BATF3: variants seen among roughly 807,000 people sequenced by gnomAD.
BATF3 encodes the protein basic leucine zipper ATF-like transcription factor 3.
Under a neutral mutation model 16.1 loss-of-function variants are expected in BATF3, and 8 were observed. That is an observed-to-expected ratio of 0.50 (90% CI 0.29 to 0.90). The LOEUF (loss-of-function observed/expected upper bound fraction) is 0.90, where lower values mean the gene tolerates loss of function less well. Among genes scored for constraint, BATF3 ranks in the 40% least tolerant of loss-of-function variants. The pLI is 0.08. For missense variants in BATF3, 139 were observed against 167.0 expected (o/e 0.83, Z 0.92); for synonymous variants, 74 against 72.7 (o/e 1.02, Z -0.09).
At chr1:212,690,806 C>T (rs1268876069) in intron 2 of BATF3, among the ~76,000 whole-genome samples, 1 of 152,212 alleles carries the variant, frequency 6.6e-6, no homozygotes, top group African/African-American at 2.4e-5. Context: ...TCAAAGCAGA[C>T]ACCTAAAAAT....
intron 2 of BATF3, among the ~76,000 whole-genome samples, chr1:212,693,966 C>G (rs568920867): frequency 6.6e-6 from 1 of 152,150 alleles, no homozygotes; most frequent in African/African-American, 2.4e-5. Context: ...GATTAAGAAG[C>G]GTGAGATGGG....
chr1:212,687,996 A>AAAGAAAGAAAGAAAGGAAGG (rs1274002817), intron 2 of BATF3, among the ~76,000 whole-genome samples: 3 of 101,330 alleles, frequency 3.0e-5, no homozygotes, highest in East Asian at 2.5e-4. Context: ...AGAAAGAAAG[A>AAAGAAAGAAAGAAAGGAAGG]AAGGAAGGAA....
chr1:212,699,730 G>T lies in BATF3; in HGVS notation c.33C>A (p.Val11=). 1.5e-6 allele frequency: 2 copies of T among 1,323,408 alleles called. No individual in the cohort carries two copies. Among genetic ancestry groups the T allele is most frequent in the South Asian group, 4.0e-5 (2 of 49,840 alleles). 82.0% of individuals were successfully genotyped at this position (1,323,408 alleles called of 1,614,324 possible). A position where few individuals can be genotyped will look rare whatever the true frequency, so the allele number is the denominator to read the frequency against. ...CGGGCGCCGCGACGCTCCTCTGCAG[G>T]ACGCTGCCGGCGGCCGGGAGCCCTT... MSQGLPAAGS[V]LQRSVAAPGN... The change falls in exon 1 of 3, where the codon GTC becomes GTA. Residue 11 remains valine (V), a synonymous_variant. Coordinates refer to ENST00000243440, the MANE Select transcript of BATF3 (RefSeq NM_018664.3). This position sits in a 1 kb window ranked among gnomAD's most constrained non-coding sequence, Gnocchi z 4.4.
intron 1 of BATF3, chr1:212,698,808 T>C (rs1468050585): frequency 1.3e-5 from 2 of 152,254 alleles, no homozygotes; most frequent in Non-Finnish European, 2.9e-5. Flanking sequence ...TTATTAACCA[T>C]ATCTGATTCA....
intron 2 of BATF3, among the ~76,000 whole-genome samples, chr1:212,691,031 C>G (rs1006478168): frequency 6.6e-6 from 1 of 152,108 alleles, no homozygotes; most frequent in Admixed American, 6.5e-5. Flanking sequence ...ACAAGACAGG[C>G]CCCCAACAAC....
chr1:212,694,613 C>A (rs1288769496), intron 2 of BATF3, among the ~76,000 whole-genome samples: 2 of 152,204 alleles, frequency 1.3e-5, no homozygotes, highest in African/African-American at 4.8e-5. Context: ...AGGAGTAATG[C>A]CTTGGCCATC....
chr1:212,697,883 G>A (rs1358150450), intron 1 of BATF3: 1 of 152,106 alleles, frequency 6.6e-6, no homozygotes, highest in African/African-American at 2.4e-5. Flanking sequence ...CCCATGAGAA[G>A]ACACCACCAA....
At chr1:212,691,460 A>AT (rs1656997051) in intron 2 of BATF3, among the ~76,000 whole-genome samples, 1 of 152,228 alleles carries the variant, frequency 6.6e-6, no homozygotes, top group Non-Finnish European at 1.5e-5. Flanking sequence ...GATGGTTACC[A>AT]GAAGTAAGAG....
chr1:212,696,234 A>G (rs897499793), intron 2 of BATF3, among the ~76,000 whole-genome samples: 8 of 152,252 alleles, frequency 5.3e-5, no homozygotes, highest in Non-Finnish European at 8.8e-5. Flanking sequence ...AGAGAAAAAA[A>G]TCGGCGAAGA....
At chr1:212,691,209 G>A (rs1223260115) in intron 2 of BATF3, among the ~76,000 whole-genome samples, 2 of 152,170 alleles carry the variant, frequency 1.3e-5, no homozygotes, top group Admixed American at 1.3e-4. Context: ...GTGGGTACCA[G>A]GGACCAGATA....
chr1:212,695,469 G>A (rs1208536050), intron 2 of BATF3, among the ~76,000 whole-genome samples: 1 of 129,814 alleles, frequency 7.7e-6, no homozygotes, highest in Middle Eastern at 4.8e-3. Flanking sequence ...ACTCCAGCCT[G>A]GGCAAACAGA....
rs540068769 is a variant in BATF3 at position 212,689,692 on chromosome 1, C to T, written c.196-2713G>A. ...TGAGAAAAGCTGCAGCACACACACA[C>T]GTCTGCAAACACACACTCACACACT... On this transcript the variant is annotated intron_variant, in intron 2 of 2. Transcript: ENST00000243440. The surrounding 1 kb of genome is among the most constrained non-coding windows in gnomAD (Gnocchi z 4.6). Among the ~76,000 whole-genome samples, 50 of 152,164 alleles carry T rather than the reference C, an allele frequency of 3.3e-4. No individual in the cohort carries two copies. Among genetic ancestry groups the T allele is most frequent in the African/African-American group, 1.2e-3 (49 of 41,516 alleles).
At chr1:212,692,070 C>T (rs1206412070) in intron 2 of BATF3, among the ~76,000 whole-genome samples, 1 of 152,220 alleles carries the variant, frequency 6.6e-6, no homozygotes, top group Non-Finnish European at 1.5e-5. Context: ...TGAAGGGGAA[C>T]CCCAGCCCCT....
At chr1:212,694,880 A>C (rs1418348807) in intron 2 of BATF3, among the ~76,000 whole-genome samples, 2 of 152,346 alleles carry the variant, frequency 1.3e-5, no homozygotes, top group East Asian at 3.9e-4. Context: ...CTAGGAAAGA[A>C]TCTGACATTT....
intron 2 of BATF3, among the ~76,000 whole-genome samples, chr1:212,693,330 C>T (rs1357245234): frequency 6.6e-6 from 1 of 152,182 alleles, no homozygotes; most frequent in East Asian, 1.9e-4. Flanking sequence ...TCGTCTGCTT[C>T]CTCACCCGCT....
intron 2 of BATF3, among the ~76,000 whole-genome samples, chr1:212,687,967 A>AAAAAG (rs1656888050): frequency 1.0e-5 from 1 of 99,720 alleles, no homozygotes; most frequent in Non-Finnish European, 2.0e-5. Context: ...GAAAGAAAAA[A>AAAAAG]AAAGAAAGAA....
intron 2 of BATF3, among the ~76,000 whole-genome samples, chr1:212,688,054 AAGAG>A (rs778254209): frequency 2.1e-5 from 3 of 146,044 alleles, no homozygotes; most frequent in Non-Finnish European, 4.6e-5. Flanking sequence ...GAGAAAGAGA[AAGAG>A]AGAAAAGAAA....
intron 2 of BATF3, among the ~76,000 whole-genome samples, chr1:212,688,239 T>C (rs1656910121): frequency 1.3e-5 from 2 of 152,182 alleles, no homozygotes; most frequent in South Asian, 2.1e-4. Flanking sequence ...CTGAGTTCCT[T>C]GCATCAGGCT....
Position 212,696,442 on chromosome 1 carries a change from G to GTGTGTT in BATF3, c.195+518_195+519insAACACA, listed in dbSNP as rs1353894201. Among the ~76,000 whole-genome samples, 5 of 151,916 alleles carry GTGTGTT rather than the reference G, an allele frequency of 3.3e-5. No homozygotes were observed. In the East Asian group the frequency reaches 9.7e-4, roughly 29 times the overall value. On this transcript the variant is annotated intron_variant, in intron 2 of 2. Transcript: ENST00000243440. ...CTGTAGGGTGTGTGTGTGTGTGTGT[G>GTGTGTT]TGTGTGTACACACACACATTGGGTA...
Sources: allele counts gnomAD v4.1 joint callset (sites outside exome capture counted in the v4.1 genomes callset), GRCh38; gene constraint gnomAD v4.1.1; non-coding constraint Gnocchi (gnomAD v3.1); transcripts MANE v1.5; gene names NCBI Gene and HGNC (gene_info 2026-07-23, HGNC 2026-07-21).